Variants in DYNC2H1 observed in about 807,000 individuals in gnomAD.
The protein encoded by DYNC2H1 is dynein cytoplasmic 2 heavy chain 1.
DYNC2H1 carries 410 observed loss-of-function variants against 570.0 expected under a neutral mutation model. The ratio of observed to expected loss-of-function variants is 0.72; its 90% confidence interval spans 0.66 to 0.78. DYNC2H1 has a LOEUF of 0.78. DYNC2H1 is among the 30% of genes least tolerant of loss of function. DYNC2H1 has a pLI of 0.00. For synonymous variants in DYNC2H1, 1,688 were observed against 1,677.6 expected (o/e 1.01, Z -0.15); for missense variants, 4,865 against 5,046.4 (o/e 0.96, Z 1.09).
intron 84 of DYNC2H1, chr11:103,406,526 T>G (rs1021650099): frequency 1.3e-5 from 2 of 151,964 alleles, no homozygotes; most frequent in Non-Finnish European, 2.9e-5. Flanking sequence ...AGTGGGATTA[T>G]AGGTGTTAAC....
intron 18 of DYNC2H1, among the ~76,000 whole-genome samples, chr11:103,147,298 A>G (rs1279567758): frequency 3.9e-5 from 6 of 152,130 alleles, no homozygotes; most frequent in Admixed American, 3.3e-4. Context: ...GATAAGTGTA[A>G]AATGGTGTCT....
rs982648875 is a variant in DYNC2H1, at chr11:103,478,743, A to G, written c.12766-352A>G. On this transcript the variant is annotated intron_variant, in intron 88 of 88. Transcript: ENST00000375735. ...ACAGAAAAACTCTTTAAAACAGGAGATGAGATAATGGATGTGTGATGATAT... is the reference window on the plus strand; with the variant it reads ...ACAGAAAAACTCTTTAAAACAGGAGGTGAGATAATGGATGTGTGATGATAT... Among the ~76,000 whole-genome samples, 11 of 152,292 alleles carry G rather than the reference A, an allele frequency of 7.2e-5. 1 individual carries two copies. Among genetic ancestry groups the G allele is most frequent in the Non-Finnish European group, 1.5e-5 (1 of 68,030 alleles).
In DYNC2H1 at chr11:103,178,244, G is replaced by A. The variant is rs866268834; in HGVS notation, c.6139+424G>A. ...TTGAAAATTTAAGTGGTAAAACTGC[G>A]GATTTCCTGGTCTAAATTTGTTGAC... is the stretch of plus-strand genomic sequence containing the variant. On this transcript the variant is annotated intron_variant, in intron 38 of 88. Coordinates refer to ENST00000375735, the MANE Select transcript of DYNC2H1 (RefSeq NM_001377.3). Among the ~76,000 whole-genome samples the A allele has an allele frequency of 2.2e-4, 33 of 152,110 alleles. 1 individual carries two copies. In the South Asian group the frequency reaches 3.5e-3, roughly 16 times the overall value.
intron 84 of DYNC2H1, among the ~76,000 whole-genome samples, chr11:103,430,325 G>T (rs1943842848): frequency 6.6e-6 from 1 of 152,066 alleles, no homozygotes; most frequent in Non-Finnish European, 1.5e-5. Flanking sequence ...CCACTTCCGA[G>T]GGTTGTCGTA....
At chr11:103,200,269 C>A (rs560450339) in intron 50 of DYNC2H1, 115 bp downstream of exon 50, 2 of 718,374 alleles carry the variant, frequency 2.8e-6, no homozygotes, top group South Asian at 1.9e-5. Flanking sequence ...ATAGTTCTTA[C>A]TTAGGAGACA....
intron 79 of DYNC2H1, among the ~76,000 whole-genome samples, chr11:103,315,587 G>A (rs1274281863): frequency 1.3e-5 from 2 of 151,956 alleles, no homozygotes; most frequent in Non-Finnish European, 2.9e-5. Context: ...TTCCTAACGA[G>A]TTCTTAAATC....
At chr11:103,168,712 G>C in intron 31 of DYNC2H1, 43 bp from the exon 32 acceptor site, 2 of 1,575,260 alleles carry the variant, frequency 1.3e-6, no homozygotes, top group South Asian at 2.3e-5. Context: ...TAAATCACAG[G>C]CTAACATTTT....
At position 103,251,841 on chromosome 11, in the gene DYNC2H1, A is replaced by C. The variant is rs570632730; in HGVS notation, c.10043-1444A>C. ...GTTTATACATGTTATGGCAAATGGC[A>C]GGATCTACTTTTTTATGACCGAACA... is the stretch of plus-strand genomic sequence containing the variant. On this transcript the variant is annotated intron_variant, in intron 65 of 88. Transcript: ENST00000375735. Among the ~76,000 whole-genome samples, 3 of 152,254 alleles carry C rather than the reference A, an allele frequency of 2.0e-5. No individual in the cohort carries two copies. In the East Asian group the frequency reaches 5.8e-4, roughly 29 times the overall value.
intron 84 of DYNC2H1, among the ~76,000 whole-genome samples, chr11:103,433,134 CTATCAT>C (rs944732771): frequency 3.9e-5 from 6 of 151,920 alleles, no homozygotes; most frequent in Admixed American, 6.6e-5. Context: ...TCATGTATCA[CTATCAT>C]TATCATTTCT....
At chr11:103,215,491 A>C (rs1421270381) in intron 54 of DYNC2H1, among the ~76,000 whole-genome samples, 1 of 152,156 alleles carries the variant, frequency 6.6e-6, no homozygotes, top group Non-Finnish European at 1.5e-5. Flanking sequence ...GCGATGCTTT[A>C]AAATTTGTTT....
intron 84 of DYNC2H1, among the ~76,000 whole-genome samples, chr11:103,429,327 C>T (rs1943804074): frequency 6.6e-6 from 1 of 152,030 alleles, no homozygotes; most frequent in Non-Finnish European, 1.5e-5. Flanking sequence ...AGAAGATCCT[C>T]TTTGAGAAGG....
At chr11:103,229,461 T>A (rs903405193) in intron 59 of DYNC2H1, among the ~76,000 whole-genome samples, 5 of 152,226 alleles carry the variant, frequency 3.3e-5, no homozygotes, top group Admixed American at 2.0e-4. Flanking sequence ...AATTTATTCA[T>A]CTTATTTCCT....
intron 83 of DYNC2H1, among the ~76,000 whole-genome samples, chr11:103,386,334 A>G (rs1016217072): frequency 5.9e-5 from 9 of 151,850 alleles, no homozygotes; most frequent in African/African-American, 1.2e-4. Context: ...TTGTTTTCTC[A>G]TTGAGTCTCT....
chr11:103,161,001 T>A lies in DYNC2H1; in HGVS notation c.4448T>A (p.Val1483Asp), dbSNP rs1328154445. 6.4e-7 allele frequency: 1 copy of A among 1,553,614 alleles called. No individual in the cohort carries two copies. The highest frequency in any genetic ancestry group is 8.7e-7 in the Non-Finnish European group (1 of 1,154,590). Residue 1483 changes from valine (V) to aspartate (D), a missense_variant, in exon 29 of 89, where the codon GTT (valine) becomes GAT (aspartate). This residue lies in a region of DYNC2H1 where 1,936 missense variants were observed against 1,962.1 expected (regional missense o/e 0.99). Coordinates refer to ENST00000375735, the MANE Select transcript of DYNC2H1 (RefSeq NM_001377.3). Reference sequence around the variant, plus strand: ...GCAATGAAATCTTTAGAGGGAGAAGTTGTACCTTTTAAAAATAAAGTTCCT... The same window carrying A: ...GCAATGAAATCTTTAGAGGGAGAAGATGTACCTTTTAAAAATAAAGTTCCT... ...ITAMKSLEGE[V>D]VPFKNKVPLS...
At chr11:103,233,992 C>T in intron 60 of DYNC2H1, 42 bp from the exon 61 acceptor site, 1 of 1,534,238 alleles carries the variant, frequency 6.5e-7, no homozygotes, top group South Asian at 1.2e-5. Context: ...AAATCTCTCC[C>T]AAATCCTTTT....
intron 42 of DYNC2H1, 59 bp from the exon 43 acceptor site, chr11:103,187,281 T>C (rs1375089893): frequency 4.7e-5 from 75 of 1,598,412 alleles, no homozygotes; most frequent in Non-Finnish European, 1.7e-6. Context: ...TTATTGAGTA[T>C]AAAATGTATT....
intron 59 of DYNC2H1, among the ~76,000 whole-genome samples, chr11:103,227,643 G>T (rs566707364): frequency 1.3e-5 from 2 of 152,270 alleles, no homozygotes; most frequent in South Asian, 2.1e-4. Flanking sequence ...CTGATGAATA[G>T]AATGTATATT....
At chr11:103,247,772 G>T (rs932492831) in intron 65 of DYNC2H1, among the ~76,000 whole-genome samples, 1 of 152,028 alleles carries the variant, frequency 6.6e-6, no homozygotes, top group Admixed American at 6.6e-5. Context: ...CTTGAAGTGA[G>T]CTCATTGTAC....
intron 83 of DYNC2H1, among the ~76,000 whole-genome samples, chr11:103,362,085 T>C (rs1378426836): frequency 1.3e-5 from 2 of 151,762 alleles, no homozygotes; most frequent in Non-Finnish European, 2.9e-5. Flanking sequence ...TAAAGGAGAG[T>C]AGTGAAATAA....
Sources: gnomAD v4.1 joint callset for allele counts (sites outside exome capture counted in the v4.1 genomes callset) on GRCh38, gnomAD v4.1.1 for gene constraint, gnomAD v4.1.1 regional missense constraint, MANE v1.5 for transcripts, NCBI Gene and HGNC (gene_info 2026-07-23, HGNC 2026-07-21) for gene names.